Variants in VPS4B observed in about 807,000 individuals in gnomAD.
VPS4B encodes vacuolar protein sorting-associated protein 4B.
Under a neutral mutation model 56.1 loss-of-function variants are expected in VPS4B, and 23 were observed. The observed-to-expected ratio is 0.41, with a 90% CI of 0.30 to 0.58. The LOEUF (loss-of-function observed/expected upper bound fraction) is 0.58, where lower values mean the gene tolerates loss of function less well. Ranked by LOEUF, VPS4B falls within the 20% of genes least tolerant of loss-of-function variation. The pLI, the probability that VPS4B is intolerant of heterozygous loss-of-function variation, is 0.29. For missense variants in VPS4B, 372 were observed against 531.9 expected, an observed-to-expected ratio of 0.70 and a Z score of 2.96; for synonymous variants, 177 against 186.0, an observed-to-expected ratio of 0.95 and a Z score of 0.39.
At chr18:63,395,840 G>A (rs1025450418) in intron 9 of VPS4B, among the ~76,000 whole-genome samples, 5 of 152,164 alleles carry the variant, frequency 3.3e-5, no homozygotes, top group East Asian at 1.9e-4. Context: ...AACACAGGAG[G>A]GGCAGGATAG....
intron 3 of VPS4B, among the ~76,000 whole-genome samples, chr18:63,407,721 T>G (rs1915949118): frequency 1.3e-5 from 2 of 152,284 alleles, no homozygotes; most frequent in African/African-American, 4.8e-5. Flanking sequence ...AAGACCAGAA[T>G]GAAGTCAGGA....
chr18:63,418,291 C>T (rs1043333789), intron 1 of VPS4B, among the ~76,000 whole-genome samples: 1 of 152,180 alleles, frequency 6.6e-6, no homozygotes, highest in Admixed American at 6.5e-5. Flanking sequence ...ATGCTTTCTG[C>T]CTCCTGATAG....
intron 1 of VPS4B, among the ~76,000 whole-genome samples, chr18:63,416,637 T>C (rs1916171802): frequency 6.6e-6 from 1 of 152,192 alleles, no homozygotes; most frequent in African/African-American, 2.4e-5. Flanking sequence ...AAGGTAACCT[T>C]GATGGTCTCC....
At chr18:63,419,032 G>T (rs1032698505) in intron 1 of VPS4B, among the ~76,000 whole-genome samples, 2 of 152,116 alleles carry the variant, frequency 1.3e-5, no homozygotes, top group Non-Finnish European at 2.9e-5. Context: ...CTCTCCTTTT[G>T]TATTCCCAGA....
At chr18:63,405,384 A>C (rs908105138) in intron 4 of VPS4B, among the ~76,000 whole-genome samples, 2 of 152,192 alleles carry the variant, frequency 1.3e-5, no homozygotes, top group African/African-American at 2.4e-5. Context: ...TCTAAAACAG[A>C]AGTAAAAGAT....
intron 8 of VPS4B, among the ~76,000 whole-genome samples, chr18:63,398,223 ATTT>A (rs869086603): frequency 6.6e-5 from 3 of 45,686 alleles, no homozygotes; most frequent in African/African-American, 2.1e-4. Context: ...ATATATATAT[ATTT>A]TTTTTTGAGA....
In VPS4B at chr18:63,400,547, T is replaced by C. The variant is rs1383576196; in HGVS notation, c.641A>G (p.Lys214Arg). 2 of 1,605,566 alleles carry C rather than the reference T, an allele frequency of 1.2e-6. No individual in the cohort carries two copies. The highest frequency in any genetic ancestry group is 2.7e-5 in the African/African-American group (2 of 74,174). ...TTTAAAAAATTGATTTACTACTTAC[T>C]TTTCACTTTCACCTAGCCACTTAGA... is the stretch of plus-strand genomic sequence containing the variant. Reference protein sequence around the residue: ...LVSKWLGESEKLVKNLFQLAR... With the variant: ...LVSKWLGESERLVKNLFQLAR... The change falls in exon 6 of 11, where the codon AAA becomes AGA. Residue 214 changes from lysine to arginine, a missense_variant and splice_region_variant. Lys to Arg is a conservative substitution (Grantham distance 26, BLOSUM62 2). This residue lies in a region of VPS4B where 66 missense variants were observed against 150.7 expected (regional missense o/e 0.44). Coordinates refer to ENST00000238497, the MANE Select transcript of VPS4B (RefSeq NM_004869.4).
At chr18:63,411,899 TAAG>T (rs749841240) in intron 1 of VPS4B, among the ~76,000 whole-genome samples, 20 of 152,202 alleles carry the variant, frequency 1.3e-4, no homozygotes, top group Non-Finnish European at 2.5e-4. Flanking sequence ...TTAGGGCTAA[TAAG>T]AAATAATAGA....
At chr18:63,415,506 G>C in intron 1 of VPS4B, 1 of 300,622 alleles carries the variant, frequency 3.3e-6, no homozygotes, top group Non-Finnish European at 6.8e-6. Context: ...TTTTTCTCTG[G>C]TTGATCCCCT....
intron 1 of VPS4B, among the ~76,000 whole-genome samples, chr18:63,420,176 G>A (rs1006486464): frequency 1.3e-5 from 2 of 152,168 alleles, no homozygotes; most frequent in Non-Finnish European, 2.9e-5. Flanking sequence ...GGCCGGGCAC[G>A]GTGGCTCACA....
In VPS4B at chr18:63,389,735, A is replaced by T. The variant is rs925894589; in HGVS notation, c.*1240T>A. On this transcript the variant is annotated 3_prime_UTR_variant, in exon 11 of 11. Coordinates refer to ENST00000238497, the MANE Select transcript of VPS4B (RefSeq NM_004869.4). ...CTGAACTTAAAAGGTGAAGGACAAG[A>T]CCCCATATTATTATCCTGTATTAAA... is the stretch of plus-strand genomic sequence containing the variant. 3 of 152,646 alleles carry T rather than the reference A, an allele frequency of 2.0e-5. No homozygotes were observed. Among genetic ancestry groups the T allele is most frequent in the African/African-American group, 7.2e-5 (3 of 41,456 alleles). The allele number at this position is 152,646 out of a possible 1,614,324, so 9.5% of individuals were successfully genotyped here. A position where few individuals can be genotyped will look rare whatever the true frequency, so the allele number is the denominator to read the frequency against.
At chr18:63,403,640 G>C in intron 5 of VPS4B, 67 bp downstream of exon 5, 1 of 1,459,112 alleles carries the variant, frequency 6.9e-7, no homozygotes, top group Non-Finnish European at 9.3e-7. Flanking sequence ...GAATGACAAT[G>C]CTTCACCTCA....
chr18:63,392,750 A>G (rs1345745249), intron 10 of VPS4B, among the ~76,000 whole-genome samples: 1 of 69,630 alleles, frequency 1.4e-5, no homozygotes, highest in African/African-American at 5.8e-5. Context: ...ACCTGGCCCT[A>G]TTTTTTGTTT....
chr18:63,400,336 G>T (rs901586427), intron 6 of VPS4B, 140 bp from the exon 7 acceptor site: 1 of 1,124,076 alleles, frequency 8.9e-7, no homozygotes, highest in Non-Finnish European at 1.2e-6. Flanking sequence ...GCTACAACTG[G>T]ATAATTCACT....
At chr18:63,417,543 G>T (rs566899062) in intron 1 of VPS4B, among the ~76,000 whole-genome samples, 10 of 152,252 alleles carry the variant, frequency 6.6e-5, no homozygotes, top group African/African-American at 2.4e-4. Context: ...ATGTGACAAT[G>T]AAGTATATTC....
In VPS4B at chr18:63,407,305, T is replaced by C. The variant is rs562067043; in HGVS notation, c.364+127A>G. 79 of 810,738 alleles carry C rather than the reference T, an allele frequency of 9.7e-5. No individual in the cohort carries two copies. In the South Asian group the frequency reaches 1.0e-3, roughly 11 times the overall value. The allele number at this position is 810,738 out of a possible 1,614,324, so 50.2% of individuals were successfully genotyped here. A position where few individuals can be genotyped will look rare whatever the true frequency, so the allele number is the denominator to read the frequency against. On this transcript the variant is annotated intron_variant, in intron 4 of 10. Transcript: ENST00000238497. ...TCTAAACAAAGCCAGCACATGACTA[T>C]TGGGAACCAAAGCCAGTTCTTAAAC...
intron 10 of VPS4B, among the ~76,000 whole-genome samples, chr18:63,392,695 G>A (rs1056392307): frequency 6.6e-6 from 1 of 150,620 alleles, no homozygotes; most frequent in African/African-American, 2.4e-5. Flanking sequence ...TGATCCACCC[G>A]CCTCGGCCTC....
At chr18:63,394,029 AC>A (rs1209248558) in intron 9 of VPS4B, among the ~76,000 whole-genome samples, 2 of 151,920 alleles carry the variant, frequency 1.3e-5, no homozygotes, top group Non-Finnish European at 2.9e-5. Flanking sequence ...GAGCGACTGC[AC>A]CCAGCTGCTT....
At chr18:63,406,948 C>A (rs1915931507) in intron 4 of VPS4B, among the ~76,000 whole-genome samples, 1 of 152,148 alleles carries the variant, frequency 6.6e-6, no homozygotes, top group Admixed American at 6.5e-5. Flanking sequence ...ATGGTAAACA[C>A]AGAAAGCTTA....
Sources: allele counts gnomAD v4.1 joint callset (sites outside exome capture counted in the v4.1 genomes callset), GRCh38; gene constraint gnomAD v4.1.1; regional missense constraint gnomAD v4.1.1; transcripts MANE v1.5; gene names NCBI Gene and HGNC (gene_info 2026-07-23, HGNC 2026-07-21).